Variants in SNTB1 observed in about 807,000 individuals in gnomAD.
The protein encoded by SNTB1 is beta-1-syntrophin.
Under a neutral mutation model 48.9 loss-of-function variants are expected in SNTB1, and 36 were observed. The observed-to-expected ratio is 0.74, with a 90% CI of 0.56 to 0.97. The LOEUF (loss-of-function observed/expected upper bound fraction) is 0.97, where lower values mean the gene tolerates loss of function less well. SNTB1 is among the 50% of genes least tolerant of loss of function. SNTB1 has a pLI of 0.00. For synonymous variants in SNTB1, 299 were observed against 294.6 expected (o/e 1.01, Z -0.15); for missense variants, 786 against 703.4 (o/e 1.12, Z -1.33).
intron 3 of SNTB1, among the ~76,000 whole-genome samples, chr8:120,631,418 C>T (rs1266173386): frequency 6.6e-6 from 1 of 152,180 alleles, no homozygotes; most frequent in African/African-American, 2.4e-5. Flanking sequence ...CGCGCATGAT[C>T]TGCTGCAAAC....
At chr8:120,740,167 T>G (rs1819020783) in intron 1 of SNTB1, among the ~76,000 whole-genome samples, 1 of 152,176 alleles carries the variant, frequency 6.6e-6, no homozygotes, top group Admixed American at 6.5e-5. Flanking sequence ...TATATTTGGC[T>G]GAAGACAAGA....
chr8:120,546,991 G>C (rs967873393), intron 5 of SNTB1, among the ~76,000 whole-genome samples: 1 of 152,162 alleles, frequency 6.6e-6, no homozygotes, highest in Non-Finnish European at 1.5e-5. Context: ...AGTGGACAAA[G>C]AGTGGACTTC....
chr8:120,738,635 G>A (rs1024618600), intron 1 of SNTB1, among the ~76,000 whole-genome samples: 1 of 146,902 alleles, frequency 6.8e-6, no homozygotes, highest in Non-Finnish European at 1.5e-5. Flanking sequence ...ATCCATCCTA[G>A]CACTATCTTC....
chr8:120,631,485 C>G (rs1355343141), intron 3 of SNTB1, among the ~76,000 whole-genome samples: 2 of 152,146 alleles, frequency 1.3e-5, no homozygotes, highest in African/African-American at 4.8e-5. Flanking sequence ...ACTGGGCCTT[C>G]TCAGATGACA....
intron 4 of SNTB1, among the ~76,000 whole-genome samples, chr8:120,563,566 T>C (rs1815699103): frequency 1.3e-5 from 2 of 152,138 alleles, no homozygotes; most frequent in Non-Finnish European, 2.9e-5. Context: ...GCCACTTCTA[T>C]GAAACACAAT....
chr8:120,768,239 C>T (rs1819560265), intron 1 of SNTB1, among the ~76,000 whole-genome samples: 1 of 152,142 alleles, frequency 6.6e-6, no homozygotes, highest in African/African-American at 2.4e-5. Context: ...ATGCATTGAC[C>T]TCATGCTGTT....
At position 120,785,153 on chromosome 8, in the gene SNTB1, C is replaced by G. The variant is rs1468794397; in HGVS notation, c.571+26120G>C. Among the ~76,000 whole-genome samples the G allele has an allele frequency of 2.0e-5, 3 of 152,086 alleles. No individual in the cohort carries two copies. The East Asian group carries it at 5.8e-4, about 29-fold the overall frequency. ...AGTGGTCACGGGTTTAGAGAAACCC[C>G]CAGCTGAGATTCATGATATAATCTT... On this transcript the variant is annotated intron_variant, in intron 1 of 6. Transcript: ENST00000517992.
chr8:120,699,424 C>T (rs1455664236), intron 1 of SNTB1, among the ~76,000 whole-genome samples: 1 of 152,158 alleles, frequency 6.6e-6, no homozygotes, highest in East Asian at 1.9e-4. Flanking sequence ...AGTTGGTTCA[C>T]TTGAGATCTG....
intron 1 of SNTB1, among the ~76,000 whole-genome samples, chr8:120,801,778 G>A (rs1369141545): frequency 2.0e-5 from 3 of 151,964 alleles, no homozygotes; most frequent in Admixed American, 6.6e-5. Context: ...TCGTTTGTCC[G>A]GGGGCCTCCC....
chr8:120,561,252 G>A (rs757483452), intron 4 of SNTB1, among the ~76,000 whole-genome samples: 5 of 147,874 alleles, frequency 3.4e-5, no homozygotes, highest in South Asian at 2.2e-4. Context: ...CCCAGGAGGC[G>A]GAGGTTGGAG....
At chr8:120,617,692 A>T (rs1054715921) in intron 3 of SNTB1, among the ~76,000 whole-genome samples, 1 of 152,152 alleles carries the variant, frequency 6.6e-6, no homozygotes, top group South Asian at 2.1e-4. Flanking sequence ...TAGCGTGTCC[A>T]ACCTTGCTCC....
chr8:120,675,876 A>G (rs1386004863), intron 2 of SNTB1, among the ~76,000 whole-genome samples: 1 of 152,228 alleles, frequency 6.6e-6, no homozygotes, highest in Non-Finnish European at 1.5e-5. Context: ...AGCTTCTACC[A>G]TGTAGCCAAC....
intron 1 of SNTB1, among the ~76,000 whole-genome samples, chr8:120,779,132 C>A (rs757922800): frequency 6.6e-6 from 1 of 152,170 alleles, no homozygotes; most frequent in Admixed American, 6.6e-5. Flanking sequence ...TCCTGATAGT[C>A]ATAGGATCTA....
chr8:120,784,113 C>T (rs1432855927), intron 1 of SNTB1, among the ~76,000 whole-genome samples: 1 of 152,116 alleles, frequency 6.6e-6, no homozygotes, highest in Non-Finnish European at 1.5e-5. Flanking sequence ...CCTGCCTCAG[C>T]TTCCCAAGTA....
chr8:120,730,596 C>T (rs1014495184), intron 1 of SNTB1, among the ~76,000 whole-genome samples: 7 of 152,152 alleles, frequency 4.6e-5, no homozygotes, highest in Non-Finnish European at 1.0e-4. Context: ...CACCTTCTTA[C>T]GTCTCTTCAA....
intron 3 of SNTB1, among the ~76,000 whole-genome samples, chr8:120,603,021 A>C (rs946325813): frequency 6.6e-6 from 1 of 151,980 alleles, no homozygotes; most frequent in African/African-American, 2.4e-5. Flanking sequence ...AATTATTCTC[A>C]GTTATTTTTG....
chr8:120,704,666 G>A (rs6982685), intron 1 of SNTB1, among the ~76,000 whole-genome samples: 73,173 of 151,894 alleles, frequency 0.48, 23,078 homozygotes, highest in African/African-American at 0.87. Context: ...TGAAGGTGGC[G>A]ATGGCTGAAT....
At chr8:120,662,941 T>G (rs534129267) in intron 2 of SNTB1, among the ~76,000 whole-genome samples, 1 of 143,986 alleles carries the variant, frequency 6.9e-6, no homozygotes, top group African/African-American at 2.6e-5. Context: ...CTGGAGATAC[T>G]GAGGCAGAAA....
At chr8:120,655,964 A>G (rs1817495108) in intron 2 of SNTB1, among the ~76,000 whole-genome samples, 1 of 152,164 alleles carries the variant, frequency 6.6e-6, no homozygotes, top group Admixed American at 6.5e-5. Flanking sequence ...GCAGTGTGTG[A>G]GTTGTGAGAC....
Sources: allele counts gnomAD v4.1 joint callset (sites outside exome capture counted in the v4.1 genomes callset), GRCh38; gene constraint gnomAD v4.1.1; transcripts MANE v1.5; gene names NCBI Gene and HGNC (gene_info 2026-07-23, HGNC 2026-07-21).